WWC1: variants seen among roughly 807,000 people sequenced by gnomAD.
The protein encoded by WWC1 is WW and C2 domain containing 1, also known as protein KIBRA.
Under a neutral mutation model 138.4 loss-of-function variants are expected in WWC1, and 55 were observed. The observed-to-expected ratio is 0.40, with a 90% confidence interval of 0.32 to 0.50. The LOEUF (loss-of-function observed/expected upper bound fraction) is 0.50. Ranked by LOEUF, WWC1 falls within the 20% of genes least tolerant of loss-of-function variation. The pLI is 0.72. For synonymous variants in WWC1, 524 were observed against 564.9 expected (o/e 0.93, Z 1.03); for missense variants, 1,226 against 1,420.4 (o/e 0.86, Z 2.20).
intron 1 of WWC1, among the ~76,000 whole-genome samples, chr5:168,316,065 C>A (rs945497518): frequency 1.3e-5 from 2 of 152,216 alleles, no homozygotes; most frequent in Non-Finnish European, 2.9e-5. Flanking sequence ...AGGCCTCCCC[C>A]CTCTTTTCAG....
chr5:168,299,342 G>C (rs1284970775), intron 1 of WWC1, among the ~76,000 whole-genome samples: 1 of 152,214 alleles, frequency 6.6e-6, no homozygotes, highest in Non-Finnish European at 1.5e-5. Flanking sequence ...CTTAACCAGA[G>C]AAGCCAGTGA....
chr5:168,296,877 C>T (rs1769582538), intron 1 of WWC1, among the ~76,000 whole-genome samples: 1 of 152,174 alleles, frequency 6.6e-6, no homozygotes, highest in Admixed American at 6.5e-5. Flanking sequence ...GACCACTGCT[C>T]CAGTGCCTAA....
rs765562183 is a variant in WWC1, at chr5:168,464,746, G to A, written c.2934G>A (p.Ser978=). The change falls in exon 21 of 23, where the codon TCG becomes TCA. Residue 978 remains serine (S), a synonymous_variant. Coordinates refer to ENST00000265293, the MANE Select transcript of WWC1 (RefSeq NM_015238.3). ...CCCCACAGCCTTCCTCGGTCAAGTC[G>A]CTGCGCTCCGAGCGTCTGATCCGTA... ...VRMKRPSSVK[S]LRSERLIRTS... is the part of the protein sequence containing the mutation. 1.9e-5 allele frequency: 31 copies of A among 1,614,038 alleles called. No individual in the cohort carries two copies. The highest frequency in any genetic ancestry group is 2.3e-5 in the Non-Finnish European group (27 of 1,180,038).
intron 1 of WWC1, among the ~76,000 whole-genome samples, chr5:168,343,051 C>G (rs191067422): frequency 5.3e-5 from 8 of 152,252 alleles, no homozygotes; most frequent in Non-Finnish European, 4.4e-5. Context: ...TGACCACCAT[C>G]CAGCCCTAAG....
chr5:168,399,735 A>C (rs1779172546), intron 5 of WWC1, among the ~76,000 whole-genome samples, 168 bp downstream of exon 5: 1 of 151,992 alleles, frequency 6.6e-6, no homozygotes, highest in African/African-American at 2.4e-5. Context: ...AGATACTGCC[A>C]CCCAAGGGTG....
chr5:168,461,674 G>T (rs1297638318), intron 20 of WWC1, among the ~76,000 whole-genome samples: 1 of 152,188 alleles, frequency 6.6e-6, no homozygotes, highest in Non-Finnish European at 1.5e-5. Context: ...GATGCAGGGG[G>T]CCCTCCCGAC....
chr5:168,306,121 G>T (rs1378497988), intron 1 of WWC1, among the ~76,000 whole-genome samples: 1 of 152,204 alleles, frequency 6.6e-6, no homozygotes, highest in Non-Finnish European at 1.5e-5. Context: ...GAGATGGCCG[G>T]GTGCAGTGGC....
rs1781321063 is a variant in WWC1 at position 168,423,944 on chromosome 5, C to G, written c.1686C>G (p.Leu562=). ...ADPLLAGDAF[L]NSLEFEDPEL... ...CCCTCCTGGCTGGTGATGCCTTCCTCAACTCCTTGGAGTTTGAAGACCCGG... is the reference window on the plus strand; with the variant it reads ...CCCTCCTGGCTGGTGATGCCTTCCTGAACTCCTTGGAGTTTGAAGACCCGG... Residue 562 remains leucine, a synonymous_variant, in exon 11 of 23, where the codon CTC becomes CTG. Coordinates refer to ENST00000265293, the MANE Select transcript of WWC1 (RefSeq NM_015238.3). The G allele has an allele frequency of 9.3e-6, 15 of 1,614,060 alleles. No homozygotes were observed. Among genetic ancestry groups the G allele is most frequent in the Non-Finnish European group, 1.3e-5 (15 of 1,180,052 alleles).
chr5:168,375,451 T>C (rs1777092788), intron 2 of WWC1, among the ~76,000 whole-genome samples: 1 of 152,176 alleles, frequency 6.6e-6, no homozygotes, highest in Admixed American at 6.5e-5. Flanking sequence ...TGACCTGACT[T>C]TGGAGGGCAG....
chr5:168,320,184 G>A (rs1172017400), intron 1 of WWC1, among the ~76,000 whole-genome samples: 4 of 151,960 alleles, frequency 2.6e-5, no homozygotes, highest in South Asian at 4.2e-4. Context: ...ACAGGCGCCC[G>A]CCACCATGCC....
intron 1 of WWC1, among the ~76,000 whole-genome samples, chr5:168,336,385 A>G (rs1359307515): frequency 6.6e-6 from 1 of 152,108 alleles, no homozygotes; most frequent in Non-Finnish European, 1.5e-5. Context: ...ACCCTGGTCA[A>G]TGTGGTGAAA....
intron 1 of WWC1, among the ~76,000 whole-genome samples, chr5:168,311,006 C>G (rs1272265184): frequency 1.3e-5 from 2 of 152,202 alleles, no homozygotes; most frequent in African/African-American, 2.4e-5. Flanking sequence ...GCCCATCACC[C>G]TTGCAGGTGC....
chr5:168,314,993 ACACT>A (rs1385746002), intron 1 of WWC1, among the ~76,000 whole-genome samples: 5 of 152,254 alleles, frequency 3.3e-5, no homozygotes, highest in South Asian at 2.1e-4. Context: ...GTCTCAGAAG[ACACT>A]CAGTCCGTTG....
At chr5:168,343,303 G>A (rs1774199097) in intron 1 of WWC1, among the ~76,000 whole-genome samples, 1 of 152,120 alleles carries the variant, frequency 6.6e-6, no homozygotes, top group Admixed American at 6.5e-5. Context: ...GTTTACTGTG[G>A]GGCAGGCACT....
chr5:168,453,237 A>G (rs968369305), intron 17 of WWC1, among the ~76,000 whole-genome samples: 3 of 152,086 alleles, frequency 2.0e-5, no homozygotes, highest in Non-Finnish European at 2.9e-5. Flanking sequence ...AGGAAAAAAA[A>G]AAAGGAATGA....
chr5:168,460,175 T>C (rs1449931631), intron 19 of WWC1, among the ~76,000 whole-genome samples: 1 of 152,184 alleles, frequency 6.6e-6, no homozygotes, highest in Non-Finnish European at 1.5e-5. Context: ...TTTGAGTCAG[T>C]AAAGGCAGGC....
intron 17 of WWC1, among the ~76,000 whole-genome samples, chr5:168,448,445 G>A (rs1303544173): frequency 6.6e-6 from 1 of 152,036 alleles, no homozygotes; most frequent in Non-Finnish European, 1.5e-5. Flanking sequence ...AAGAGTGTTA[G>A]AAAATACAGG....
At chr5:168,402,469 G>A (rs1446497998) in intron 5 of WWC1, among the ~76,000 whole-genome samples, 1 of 152,178 alleles carries the variant, frequency 6.6e-6, no homozygotes, top group African/African-American at 2.4e-5. Flanking sequence ...CCTGGCATGA[G>A]GGAAGAGCTC....
At chr5:168,366,658 G>A (rs975911273) in intron 1 of WWC1, among the ~76,000 whole-genome samples, 1 of 152,080 alleles carries the variant, frequency 6.6e-6, no homozygotes, top group Non-Finnish European at 1.5e-5. Context: ...ACATCTCAAC[G>A]TGTAAGGCTG....
Sources: allele counts gnomAD v4.1 joint callset (sites outside exome capture counted in the v4.1 genomes callset), GRCh38; gene constraint gnomAD v4.1.1; transcripts MANE v1.5; gene names NCBI Gene and HGNC (gene_info 2026-07-23, HGNC 2026-07-21).